MKLN1: variants seen among roughly 807,000 people sequenced by gnomAD.
MKLN1 encodes muskelin 1.
Under a neutral mutation model 99.0 loss-of-function variants are expected in MKLN1, and 18 were observed. The ratio of observed to expected loss-of-function variants is 0.18; its 90% CI spans 0.13 to 0.27. The LOEUF (loss-of-function observed/expected upper bound fraction) is 0.27, where lower values mean the gene tolerates loss of function less well. MKLN1 is among the 10% of genes least tolerant of loss of function. The pLI is 1.00. For synonymous variants in MKLN1, 288 were observed against 293.2 expected (o/e 0.98, Z 0.18); for missense variants, 621 against 875.9 (o/e 0.71, Z 3.67).
chr7:131,342,195 C>T (rs952061517), intron 1 of MKLN1, among the ~76,000 whole-genome samples: 3 of 151,628 alleles, frequency 2.0e-5, no homozygotes, highest in East Asian at 1.9e-4. Flanking sequence ...GTCAAGAAAC[C>T]GTTTAATGCA....
chr7:131,445,406 A>G (rs1190770536), intron 11 of MKLN1, among the ~76,000 whole-genome samples: 1 of 152,104 alleles, frequency 6.6e-6, no homozygotes, highest in African/African-American at 2.4e-5. Flanking sequence ...AAAAGAAGCA[A>G]TCTCTATTCT....
intron 3 of MKLN1, among the ~76,000 whole-genome samples, chr7:131,204,933 C>CAA (rs61100568): frequency 6.1e-4 from 80 of 130,258 alleles, no homozygotes; most frequent in African/African-American, 1.0e-3. Context: ...GACTCCGTAT[C>CAA]AAAAAAAAAA....
In MKLN1 at chr7:131,478,517, T is replaced by C. The variant is rs1452242437; in HGVS notation, c.2032-106T>C. 19 of 1,144,432 alleles carry C rather than the reference T, an allele frequency of 1.7e-5. No homozygotes were observed. The Admixed American group carries it at 1.7e-4, about 10-fold the overall frequency. 70.9% of individuals were successfully genotyped at this position (1,144,432 alleles called of 1,614,324 possible). A position where few individuals can be genotyped will look rare whatever the true frequency, so the allele number is the denominator to read the frequency against. ...GACCTATGTCACACATATGCAGAAA[T>C]ACGTAGTTGCTGATAAATGGTCAAA... On this transcript the variant is annotated intron_variant, in intron 16 of 17. Transcript: ENST00000352689.
Position 131,242,886 on chromosome 7 carries a change from G to A in MKLN1, c.-179+39912G>A, listed in dbSNP as rs190250230. 1.7e-4 allele frequency: 113 copies of A among 668,458 alleles called. 1 individual carries two copies. In the East Asian group the frequency reaches 3.5e-3, roughly 21 times the overall value. The allele number at this position is 668,458 out of a possible 1,614,324, so 41.4% of individuals were successfully genotyped here. A position where few individuals can be genotyped will look rare whatever the true frequency, so the allele number is the denominator to read the frequency against. ...CTTGGACAAAACTGTCATCAATAAGGATGTCTTCAGAGACCCTACTCTTAA... is the reference window on the plus strand; with the variant it reads ...CTTGGACAAAACTGTCATCAATAAGAATGTCTTCAGAGACCCTACTCTTAA... On this transcript the variant is annotated intron_variant, in intron 3 of 7. Transcript: ENST00000416992.
chr7:131,478,475 C>G lies in MKLN1; in HGVS notation c.2032-148C>G, dbSNP rs539721546. 9 of 639,340 alleles carry G rather than the reference C, an allele frequency of 1.4e-5. 1 individual carries two copies. The East Asian group carries it at 3.0e-4, about 21-fold the overall frequency. 39.6% of individuals were successfully genotyped at this position (639,340 alleles called of 1,614,324 possible). Reference sequence around the variant, plus strand: ...CTGTAATCTGAATGTGTTCTTCTTGCCACTATTTGGTGAATAGACCTATGT... The same window carrying G: ...CTGTAATCTGAATGTGTTCTTCTTGGCACTATTTGGTGAATAGACCTATGT... On this transcript the variant is annotated intron_variant, in intron 16 of 17. Transcript: ENST00000352689.
At chr7:131,338,792 G>C (rs1464057803) in intron 1 of MKLN1, among the ~76,000 whole-genome samples, 1 of 152,126 alleles carries the variant, frequency 6.6e-6, no homozygotes, top group Admixed American at 6.5e-5. Flanking sequence ...AAAGAATTGT[G>C]GAACTTAAAT....
intron 17 of MKLN1, 84 bp downstream of exon 17, chr7:131,478,761 G>A (rs1471272309): frequency 1.4e-6 from 2 of 1,422,974 alleles, no homozygotes; most frequent in Non-Finnish European, 9.8e-7. Context: ...TGAAACATCA[G>A]GTGAGATGTT....
At chr7:131,479,134 G>A (rs1293295865) in intron 17 of MKLN1, among the ~76,000 whole-genome samples, 1 of 152,164 alleles carries the variant, frequency 6.6e-6, no homozygotes, top group Non-Finnish European at 1.5e-5. Context: ...GAAAATGGGA[G>A]TTTTGTTATC....
chr7:131,479,970 A>G (rs1285796417), intron 17 of MKLN1, among the ~76,000 whole-genome samples: 4 of 150,944 alleles, frequency 2.6e-5, no homozygotes, highest in Admixed American at 2.6e-4. Flanking sequence ...GCAGTGAGCC[A>G]AGATCGTGCC....
At chr7:131,111,073 TATG>T (rs1795189631) in intron 1 of MKLN1, among the ~76,000 whole-genome samples, 1 of 152,180 alleles carries the variant, frequency 6.6e-6, no homozygotes, top group African/African-American at 2.4e-5. Flanking sequence ...ACTTTTTAAT[TATG>T]ATTATTCCCT....
intron 3 of MKLN1, among the ~76,000 whole-genome samples, chr7:131,280,355 C>G (rs189874922): frequency 1.3e-5 from 2 of 152,052 alleles, no homozygotes; most frequent in African/African-American, 4.8e-5. Flanking sequence ...ATTTGGTAAC[C>G]GTATGTTCAG....
chr7:131,382,378 A>G (rs1281287573), intron 2 of MKLN1, among the ~76,000 whole-genome samples: 1 of 152,128 alleles, frequency 6.6e-6, no homozygotes, highest in African/African-American at 2.4e-5. Flanking sequence ...CCCAAAAAAA[A>G]AACAAAATTA....
At chr7:131,141,646 A>C (rs139926441) in intron 1 of MKLN1, among the ~76,000 whole-genome samples, 1 of 152,192 alleles carries the variant, frequency 6.6e-6, no homozygotes, top group African/African-American at 2.4e-5. Context: ...TGTGCCCTCC[A>C]CCCAAAACAG....
intron 2 of MKLN1, among the ~76,000 whole-genome samples, chr7:131,197,043 C>T (rs1796657480): frequency 6.6e-6 from 1 of 152,164 alleles, no homozygotes; most frequent in Admixed American, 6.6e-5. Context: ...CCACACGCCC[C>T]ATCCTCCTCT....
intron 6 of MKLN1, among the ~76,000 whole-genome samples, chr7:131,403,461 G>C (rs1293898904): frequency 1.3e-5 from 2 of 152,064 alleles, no homozygotes; most frequent in Non-Finnish European, 2.9e-5. Flanking sequence ...ATCAGTCATG[G>C]GTTCACTTGT....
In MKLN1 at chr7:131,487,476, C is replaced by A; in HGVS notation, c.2087-131C>A. 2.1e-6 allele frequency: 2 copies of A among 944,902 alleles called. No individual in the cohort carries two copies. Among genetic ancestry groups the A allele is most frequent in the Non-Finnish European group, 3.1e-6 (2 of 640,384 alleles). The allele number at this position is 944,902 out of a possible 1,614,324, so 58.5% of individuals were successfully genotyped here. On this transcript the variant is annotated intron_variant, in intron 17 of 17. Coordinates refer to ENST00000352689, the MANE Select transcript of MKLN1 (RefSeq NM_013255.5). The surrounding 1 kb of genome is among the most constrained non-coding windows in gnomAD (Gnocchi z 4.7). ...CCAGGTAGTAGAACTGGGGTCAGAT[C>A]AGTAGTGTCTGCCTGGTTTTGAAGC...
chr7:131,328,175 G>C, intron 1 of MKLN1, 178 bp downstream of exon 1: 1 of 772,816 alleles, frequency 1.3e-6, no homozygotes, highest in Non-Finnish European at 2.0e-6. Flanking sequence ...CGCTCGGGAA[G>C]GGGTTAGGGT....
chr7:131,388,706 G>A (rs1794107160), intron 3 of MKLN1, among the ~76,000 whole-genome samples, 178 bp from the exon 4 acceptor site: 1 of 152,118 alleles, frequency 6.6e-6, no homozygotes, highest in African/African-American at 2.4e-5. Context: ...TAATGCTGTT[G>A]ATTTGAATGT....
chr7:131,203,328 TA>T (rs1280366826), intron 3 of MKLN1, among the ~76,000 whole-genome samples: 2 of 152,230 alleles, frequency 1.3e-5, no homozygotes, highest in Admixed American at 6.5e-5. Context: ...GTAGAACATC[TA>T]AAAGGCCCTT....
Sources: gnomAD v4.1 joint callset for allele counts (sites outside exome capture counted in the v4.1 genomes callset) on GRCh38, gnomAD v4.1.1 for gene constraint, Gnocchi (gnomAD v3.1) non-coding constraint, MANE v1.5 for transcripts, NCBI Gene and HGNC (gene_info 2026-07-23, HGNC 2026-07-21) for gene names.